Variants in TBX15 observed in about 807,000 individuals in gnomAD.
TBX15 encodes the protein T-box transcription factor 15.
Under a neutral mutation model 53.9 loss-of-function variants are expected in TBX15, and 18 were observed. The observed-to-expected ratio is 0.33, with a 90% CI of 0.23 to 0.49. The LOEUF is 0.49. Among genes scored for constraint, TBX15 ranks in the 20% least tolerant of loss-of-function variants. TBX15 has a pLI of 0.98. For synonymous variants in TBX15, 295 were observed against 278.0 expected (o/e 1.06, Z -0.61); for missense variants, 692 against 749.5 (o/e 0.92, Z 0.90).
chr1:118,884,368 CTGTA>C lies in TBX15; in HGVS notation c.*360_*363del, dbSNP rs1271647232. 3.1e-6 allele frequency: 1 copy of C among 322,956 alleles called. No individual in the cohort carries two copies. Among genetic ancestry groups the C allele is most frequent in the Non-Finnish European group, 5.9e-6 (1 of 170,574 alleles). The allele number at this position is 322,956 out of a possible 1,614,324, so 20.0% of individuals were successfully genotyped here. On this transcript the variant is annotated 3_prime_UTR_variant, in exon 8 of 8. Transcript: ENST00000369429. ...TGCACGTATGTATAGGTAGGTCTGT[CTGTA>C]TGTGGGTGTGTATGTGTAACTTTTC...
chr1:118,913,600 G>A (rs1014948151), intron 6 of TBX15, among the ~76,000 whole-genome samples: 2 of 152,166 alleles, frequency 1.3e-5, no homozygotes, highest in African/African-American at 4.8e-5. Flanking sequence ...TCAAGAAAGG[G>A]GTGTTCTGTA....
chr1:118,927,092 A>C (rs1655625880), intron 2 of TBX15, among the ~76,000 whole-genome samples: 1 of 152,192 alleles, frequency 6.6e-6, no homozygotes, highest in Non-Finnish European at 1.5e-5. Context: ...CTCAAAGTTG[A>C]CTAATTTTTT....
intron 1 of TBX15, among the ~76,000 whole-genome samples, chr1:118,983,992 T>C (rs1657733306): frequency 6.6e-6 from 1 of 152,276 alleles, no homozygotes; most frequent in African/African-American, 2.4e-5. Flanking sequence ...AGAGAGGTGA[T>C]GTCAGAATTA....
At chr1:118,915,522 T>C (rs1422061567) in intron 5 of TBX15, among the ~76,000 whole-genome samples, 1 of 152,178 alleles carries the variant, frequency 6.6e-6, no homozygotes, top group African/African-American at 2.4e-5. Flanking sequence ...GCACCAACAA[T>C]GTAGCAAAAG....
intron 1 of TBX15, among the ~76,000 whole-genome samples, chr1:118,953,058 T>A (rs6667873): frequency 6.6e-6 from 1 of 151,066 alleles, no homozygotes; most frequent in Admixed American, 6.6e-5. Context: ...CATTTTTCCA[T>A]GTTGCCAAGG....
intron 1 of TBX15, among the ~76,000 whole-genome samples, chr1:118,970,714 T>A (rs1657209262): frequency 6.6e-6 from 1 of 152,182 alleles, no homozygotes; most frequent in African/African-American, 2.4e-5. Flanking sequence ...TGTGCAGTTT[T>A]TTAATGCATT....
intron 5 of TBX15, among the ~76,000 whole-genome samples, chr1:118,922,113 C>T (rs1655444349): frequency 6.6e-6 from 1 of 152,130 alleles, no homozygotes; most frequent in African/African-American, 2.4e-5. Context: ...GTTAAATAAG[C>T]ATGCTTGTTG....
intron 6 of TBX15, among the ~76,000 whole-genome samples, chr1:118,899,773 A>G (rs1215574719): frequency 1.3e-5 from 2 of 152,188 alleles, no homozygotes; most frequent in Non-Finnish European, 2.9e-5. Flanking sequence ...ATTTCTCCAA[A>G]TATTCATCTG....
At chr1:118,976,542 C>T (rs777890210) in intron 1 of TBX15, among the ~76,000 whole-genome samples, 12 of 152,140 alleles carry the variant, frequency 7.9e-5, no homozygotes, top group Non-Finnish European at 1.5e-4. Context: ...TGCATTATTC[C>T]ACTTCCCTGC....
chr1:118,893,485 G>GGAAGGAAGGAAA (rs1439212107), intron 7 of TBX15, among the ~76,000 whole-genome samples: 1 of 72,082 alleles, frequency 1.4e-5, no homozygotes, highest in South Asian at 5.4e-4. Context: ...AAGGAAGGAA[G>GGAAGGAAGGAAA]GAAAGAAAGA....
At chr1:118,958,497 T>C (rs961112720) in intron 1 of TBX15, among the ~76,000 whole-genome samples, 2 of 152,224 alleles carry the variant, frequency 1.3e-5, no homozygotes, top group Non-Finnish European at 2.9e-5. Flanking sequence ...TATTTTGATG[T>C]TTAGTTCAAC....
intron 6 of TBX15, among the ~76,000 whole-genome samples, chr1:118,909,798 G>T (rs1207405238): frequency 6.6e-6 from 1 of 152,064 alleles, no homozygotes; most frequent in Non-Finnish European, 1.5e-5. Flanking sequence ...GGCCAGGCTG[G>T]TCTGAAACTC....
rs1335698688 is a variant in TBX15, at chr1:118,893,335, AG to A, written c.1024+5692del. ...GAAGGAAAGAAAGAAAGAAGAAAGA[AG>A]GAAGGAAGGAAGGAAGGAAGGAAAG... On this transcript the variant is annotated intron_variant, in intron 7 of 7. Transcript: ENST00000369429. Among the ~76,000 whole-genome samples, 88 of 65,176 alleles carry A rather than the reference AG, an allele frequency of 1.4e-3. 1 individual carries two copies. Among genetic ancestry groups the A allele is most frequent in the African/African-American group, 5.1e-3 (49 of 9,604 alleles). The allele number at this position is 65,176 out of a possible 152,430, so 42.8% of individuals were successfully genotyped here. A position where few individuals can be genotyped will look rare whatever the true frequency, so the allele number is the denominator to read the frequency against.
intron 1 of TBX15, among the ~76,000 whole-genome samples, chr1:118,978,812 G>A (rs916061454): frequency 1.3e-5 from 2 of 152,008 alleles, no homozygotes; most frequent in Non-Finnish European, 2.9e-5. Flanking sequence ...TAAATAGTAC[G>A]TATAGCCCCT....
At chr1:118,891,424 A>G (rs1373509779) in intron 7 of TBX15, among the ~76,000 whole-genome samples, 1 of 152,136 alleles carries the variant, frequency 6.6e-6, no homozygotes, top group Non-Finnish European at 1.5e-5. Flanking sequence ...TGCAGCATGC[A>G]TCTGTTATCT....
intron 1 of TBX15, among the ~76,000 whole-genome samples, chr1:118,981,360 A>G (rs1657646883): frequency 6.6e-6 from 1 of 150,822 alleles, no homozygotes; most frequent in Non-Finnish European, 1.5e-5. Flanking sequence ...TCTTGTCCCA[A>G]ATTTTGTCTA....
intron 1 of TBX15, among the ~76,000 whole-genome samples, chr1:118,953,531 G>A (rs549277927): frequency 1.3e-5 from 2 of 152,236 alleles, no homozygotes; most frequent in African/African-American, 4.8e-5. Context: ...ATTTTAAAGT[G>A]AAATTTCATT....
intron 1 of TBX15, among the ~76,000 whole-genome samples, chr1:118,961,219 C>T (rs545944397): frequency 2.0e-5 from 3 of 152,280 alleles, no homozygotes; most frequent in African/African-American, 7.2e-5. Flanking sequence ...AGACACCCAT[C>T]CCCCTGTGTT....
At chr1:118,961,297 C>A (rs1173277243) in intron 1 of TBX15, among the ~76,000 whole-genome samples, 5 of 152,154 alleles carry the variant, frequency 3.3e-5, no homozygotes, top group Non-Finnish European at 5.9e-5. Context: ...TTTATACCTC[C>A]CAGCACCTAA....
Sources: gnomAD v4.1 joint callset for allele counts (sites outside exome capture counted in the v4.1 genomes callset) on GRCh38, gnomAD v4.1.1 for gene constraint, MANE v1.5 for transcripts, NCBI Gene and HGNC (gene_info 2026-07-23, HGNC 2026-07-21) for gene names.